The following CTNNA3 variants were observed in gnomAD, a reference collection of about 807,000 sequenced individuals.
CTNNA3 encodes the protein catenin alpha 3.
A neutral mutation model predicts 95.7 loss-of-function variants in CTNNA3; 76 were observed. That is an observed-to-expected ratio of 0.79 (90% CI 0.66 to 0.96). CTNNA3 has a LOEUF of 0.96. Among genes scored for constraint, CTNNA3 ranks in the 40% least tolerant of loss-of-function variants. CTNNA3 has a pLI of 0.00. For synonymous variants in CTNNA3, 431 were observed against 374.4 expected (o/e 1.15, Z -1.74); for missense variants, 1,191 against 1,089.8 (o/e 1.09, Z -1.31).
intron 9 of CTNNA3, among the ~76,000 whole-genome samples, chr10:66,634,680 C>CCTAT (rs1325070317): frequency 6.7e-6 from 1 of 149,990 alleles, no homozygotes; most frequent in African/African-American, 2.5e-5. Flanking sequence ...CTTCCTTTTT[C>CCTAT]CTATCTTACT....
chr10:67,083,856 A>C (rs892781960), intron 7 of CTNNA3, among the ~76,000 whole-genome samples: 5 of 152,204 alleles, frequency 3.3e-5, no homozygotes, highest in African/African-American at 1.2e-4. Flanking sequence ...CACATATTTT[A>C]TTAAAATGTA....
intron 11 of CTNNA3, among the ~76,000 whole-genome samples, chr10:66,515,303 A>ATC (rs1840805625): frequency 2.7e-5 from 4 of 149,980 alleles, no homozygotes; most frequent in South Asian, 2.1e-4. Context: ...CTATCTATCT[A>ATC]TATGGAAAAT....
intron 9 of CTNNA3, among the ~76,000 whole-genome samples, chr10:66,626,930 C>CACA (rs3053862): frequency 0.011 from 1,725 of 150,764 alleles, 32 homozygotes; most frequent in African/African-American, 0.036. Flanking sequence ...CATACACACA[C>CACA]ACAACAACAA....
intron 7 of CTNNA3, among the ~76,000 whole-genome samples, chr10:66,823,700 G>C (rs1428984297): frequency 6.6e-6 from 1 of 152,224 alleles, no homozygotes; most frequent in Non-Finnish European, 1.5e-5. Flanking sequence ...TTTTGTGCTA[G>C]ACACTGCGCT....
chr10:66,610,654 G>C (rs889636614), intron 10 of CTNNA3, among the ~76,000 whole-genome samples: 1 of 152,100 alleles, frequency 6.6e-6, no homozygotes, highest in Non-Finnish European at 1.5e-5. Context: ...GTGGAGAAAG[G>C]GGAATGCTCA....
chr10:66,649,178 C>A (rs6480189), intron 9 of CTNNA3, among the ~76,000 whole-genome samples: 1 of 151,856 alleles, frequency 6.6e-6, no homozygotes, highest in Non-Finnish European at 1.5e-5. Context: ...GTGGAGAATG[C>A]GACTGAAGTT....
At chr10:67,091,435 T>C (rs1363621922) in intron 7 of CTNNA3, among the ~76,000 whole-genome samples, 2 of 151,902 alleles carry the variant, frequency 1.3e-5, no homozygotes, top group Non-Finnish European at 2.9e-5. Context: ...TAAAGTATAC[T>C]TTAAATCCCA....
intron 10 of CTNNA3, among the ~76,000 whole-genome samples, chr10:66,524,930 TC>T: frequency 6.6e-6 from 1 of 152,084 alleles, no homozygotes; most frequent in Non-Finnish European, 1.5e-5. Context: ...ATGCCTGTAA[TC>T]CCAGCTACTT....
chr10:67,689,313 G>A (rs552001024), intron 1 of CTNNA3, among the ~76,000 whole-genome samples: 1 of 152,108 alleles, frequency 6.6e-6, no homozygotes, highest in South Asian at 2.1e-4. Flanking sequence ...GTCTGAAGAG[G>A]GATCCTAAAA....
chr10:66,195,623 T>G (rs1286242129), intron 13 of CTNNA3, among the ~76,000 whole-genome samples: 1 of 152,174 alleles, frequency 6.6e-6, no homozygotes, highest in African/African-American at 2.4e-5. Context: ...GAGAGCAAAC[T>G]TGGGCAAGTC....
chr10:66,582,818 G>A (rs554610962), intron 10 of CTNNA3, among the ~76,000 whole-genome samples: 3 of 151,644 alleles, frequency 2.0e-5, no homozygotes, highest in African/African-American at 7.3e-5. Flanking sequence ...TTTCTTCTAT[G>A]TCTAGTTTGT....
chr10:66,409,402 CAA>C lies in CTNNA3; in HGVS notation c.1532-30052_1532-30051del, dbSNP rs71957917. On this transcript the variant is annotated intron_variant, in intron 11 of 17. Coordinates refer to ENST00000433211, the MANE Select transcript of CTNNA3 (RefSeq NM_013266.4). ...CTACAGAGAATTTTCTAACTGTTCC[CAA>C]AAAAAAAAAATGTCTTTTTAAGAAG... 1.3e-4 allele frequency among the ~76,000 whole-genome samples: 18 copies of C among 138,410 alleles called. 1 individual carries two copies. The highest frequency in any genetic ancestry group is 4.5e-4 in the African/African-American group (18 of 39,612). 90.8% of individuals were successfully genotyped at this position (138,410 alleles called of 152,430 possible). A position where few individuals can be genotyped will look rare whatever the true frequency, so the allele number is the denominator to read the frequency against.
chr10:67,488,620 C>T (rs1848536388), intron 5 of CTNNA3, among the ~76,000 whole-genome samples: 2 of 151,678 alleles, frequency 1.3e-5, no homozygotes. Flanking sequence ...ATCCACCCAC[C>T]TCGGCCTCCC....
chr10:67,550,199 C>A (rs567398342), intron 3 of CTNNA3, among the ~76,000 whole-genome samples: 37 of 152,282 alleles, frequency 2.4e-4, no homozygotes, highest in Non-Finnish European at 4.6e-4. Context: ...ACCCAGCAGT[C>A]TTTCAGCTTC....
At chr10:67,620,921 G>A (rs866397037) in intron 2 of CTNNA3, among the ~76,000 whole-genome samples, 1,336 of 94,644 alleles carry the variant, frequency 0.014, 16 homozygotes, top group African/African-American at 0.058. Flanking sequence ...GTGTGTGTGT[G>A]TGTATATATA....
chr10:67,153,985 G>T (rs1487919215), intron 7 of CTNNA3, among the ~76,000 whole-genome samples: 2 of 151,626 alleles, frequency 1.3e-5, no homozygotes, highest in Non-Finnish European at 2.9e-5. Flanking sequence ...AAGGGAGAAA[G>T]GTAATTTCTT....
At chr10:67,711,917 C>G (rs1841112614) in intron 1 of CTNNA3, among the ~76,000 whole-genome samples, 1 of 152,048 alleles carries the variant, frequency 6.6e-6, no homozygotes, top group South Asian at 2.1e-4. Context: ...ATGAACTCAT[C>G]ATTTTTTATG....
intron 11 of CTNNA3, among the ~76,000 whole-genome samples, chr10:66,385,725 T>C (rs1210460532): frequency 6.6e-6 from 1 of 152,002 alleles, no homozygotes; most frequent in Non-Finnish European, 1.5e-5. Flanking sequence ...CAGCAGCACA[T>C]CAAAAAGCTC....
chr10:67,136,812 G>A (rs1176405151), intron 7 of CTNNA3, among the ~76,000 whole-genome samples: 3 of 152,112 alleles, frequency 2.0e-5, no homozygotes, highest in African/African-American at 7.2e-5. Flanking sequence ...CCTAGCAGGG[G>A]GAAGGAAGAG....
Sources: gnomAD v4.1 joint callset for allele counts (sites outside exome capture counted in the v4.1 genomes callset) on GRCh38, gnomAD v4.1.1 for gene constraint, MANE v1.5 for transcripts, NCBI Gene and HGNC (gene_info 2026-07-23, HGNC 2026-07-21) for gene names.